The following TAOK2 variants were observed in gnomAD, a reference collection of about 807,000 sequenced individuals.
The protein encoded by TAOK2 is serine/threonine-protein kinase TAO2.
TAOK2 carries 42 observed loss-of-function variants against 122.5 expected under a neutral mutation model. The ratio of observed to expected loss-of-function variants is 0.34; its 90% CI spans 0.27 to 0.44. The LOEUF is 0.44. TAOK2 is among the 20% of genes least tolerant of loss of function. The probability of loss-of-function intolerance (pLI) is 1.00; values close to 1 mark genes in which losing one functional copy is unlikely to be tolerated. For missense variants in TAOK2, 1,264 were observed against 1,644.9 expected, an observed-to-expected ratio of 0.77 and a Z score of 4.01; for synonymous variants, 704 against 677.6, an observed-to-expected ratio of 1.04 and a Z score of -0.61.
chr16:29,988,057 C>A lies in TAOK2; in HGVS notation c.*77C>A, dbSNP rs2069871393. On this transcript the variant is annotated 3_prime_UTR_variant, in exon 16 of 16. Coordinates refer to ENST00000308893, the MANE Select transcript of TAOK2 (RefSeq NM_016151.4). Reference sequence around the variant, plus strand: ...CACGACTCAGTGAAGTTTCTCCAGTCCCTAGTCCTCTCTTTTCACCCACCT... The same window carrying A: ...CACGACTCAGTGAAGTTTCTCCAGTACCTAGTCCTCTCTTTTCACCCACCT... 3 of 1,458,592 alleles carry A rather than the reference C, an allele frequency of 2.1e-6. No homozygotes were observed. The highest frequency in any genetic ancestry group is 2.4e-5 in the East Asian group (1 of 41,834). The allele number at this position is 1,458,592 out of a possible 1,614,324, so 90.4% of individuals were successfully genotyped here. A position where few individuals can be genotyped will look rare whatever the true frequency, so the allele number is the denominator to read the frequency against.
Position 29,985,969 on chromosome 16 carries a change from TACAGTTC to T in TAOK2, c.1992+110_1992+116del. 1 of 1,360,912 alleles carries T rather than the reference TACAGTTC, an allele frequency of 7.3e-7. No individual in the cohort carries two copies. The highest frequency in any genetic ancestry group is 1.0e-6 in the Non-Finnish European group (1 of 992,390). The allele number at this position is 1,360,912 out of a possible 1,614,324, so 84.3% of individuals were successfully genotyped here. A position where few individuals can be genotyped will look rare whatever the true frequency, so the allele number is the denominator to read the frequency against. On this transcript the variant is annotated intron_variant, in intron 15 of 15. Coordinates refer to ENST00000308893, the MANE Select transcript of TAOK2 (RefSeq NM_016151.4). This position sits in a 1 kb window ranked among gnomAD's most constrained non-coding sequence, Gnocchi z 6.9. ...TTCTTTCTCCTTGGCCCTCGAGTGT[TACAGTTC>T]AGCTTTGCTTCAGTGCCCCTTTTAC...
intron 10 of TAOK2, 122 bp downstream of exon 10, chr16:29,982,062 C>A: frequency 2.6e-6 from 2 of 779,834 alleles, no homozygotes. Flanking sequence ...TGAATTCCCA[C>A]CCCATCCCCA....
downstream of TAOK2, chr16:29,989,927 C>G: frequency 1.2e-6 from 1 of 863,548 alleles, no homozygotes; most frequent in Non-Finnish European, 1.8e-6. Flanking sequence ...AACTCACATA[C>G]TCTCCCTCTG....
chr16:29,984,052 C>T (rs191417213), intron 13 of TAOK2, among the ~76,000 whole-genome samples: 41 of 152,214 alleles, frequency 2.7e-4, no homozygotes, highest in Admixed American at 1.1e-3. Flanking sequence ...TGCTGGGGAG[C>T]CCTGTGCCGG....
chr16:29,986,769 A>C lies in TAOK2; in HGVS notation c.2497A>C (p.Ser833Arg). The C allele has an allele frequency of 1.9e-6, 3 of 1,613,816 alleles. No homozygotes were observed. The highest frequency in any genetic ancestry group is 1.7e-6 in the Non-Finnish European group (2 of 1,179,908). Residue 833 changes from serine to arginine, a missense_variant, in exon 16 of 16, where the codon AGC becomes CGC. Around this residue, in one of 4 missense-constraint regions of TAOK2, gnomAD observed 824 missense variants for 908.7 expected, o/e 0.91. Transcript: ENST00000308893. The surrounding 1 kb of genome is among the most constrained non-coding windows in gnomAD (Gnocchi z 4.2). Reference protein sequence around the residue: ...APSPSPQKHGSLVDEEVWGLP... With the variant: ...APSPSPQKHGRLVDEEVWGLP... ...TAGTCCCAGTCCACAAAAACATGGG[A>C]GCCTGGTTGATGAGGAAGTTTGGGG...
chr16:29,990,487 C>T, downstream of TAOK2: 1 of 244,930 alleles, frequency 4.1e-6, no homozygotes, highest in Non-Finnish European at 7.8e-6. Flanking sequence ...TAGAATTTTC[C>T]ATGGTATGGC....
intron 13 of TAOK2, among the ~76,000 whole-genome samples, chr16:29,984,031 G>T (rs2069704458): frequency 6.6e-6 from 1 of 152,098 alleles, no homozygotes; most frequent in Admixed American, 6.5e-5. Context: ...CCCTGTGCTG[G>T]GGGTGTCCAG....
Position 29,982,882 on chromosome 16 carries a change from A to T in TAOK2, c.980A>T (p.Glu327Val). The change falls in exon 11 of 16, where the codon GAG becomes GTG. Residue 327 changes from glutamate (E) to valine (V), a missense_variant. By Grantham distance (121) the Glu-to-Val change is moderately radical (BLOSUM62 -2). Coordinates refer to ENST00000308893, the MANE Select transcript of TAOK2 (RefSeq NM_016151.4). ...FQEAPNGPGAEAPEEEEEAEP... is the reference protein window; with the variant it reads ...FQEAPNGPGAVAPEEEEEAEP... ...GAGGCACCCAACGGCCCTGGTGCCG[A>T]GGCCCCAGAGGAGGAAGAGGTGACC... 6.2e-7 allele frequency: 1 copy of T among 1,613,946 alleles called. No homozygotes were observed.
downstream of TAOK2, chr16:29,990,189 A>C (rs1279290300): frequency 4.4e-6 from 1 of 225,930 alleles, no homozygotes; most frequent in Admixed American, 5.1e-5. Context: ...TTCTAAAAAA[A>C]TGATCACACC....
rs1362248747 is a variant in TAOK2, at chr16:29,987,081, C to G, written c.2809C>G (p.Pro937Ala). Reference protein sequence around the residue: ...PPEPPPTHLRPCPASQLPGLL... With the variant: ...PPEPPPTHLRACPASQLPGLL... Reference sequence around the variant, plus strand: ...TGAACCCCCTCCAACACACCTGAGGCCCTGCCCTGCCAGCCAGCTCCCTGG... The same window carrying G: ...TGAACCCCCTCCAACACACCTGAGGGCCTGCCCTGCCAGCCAGCTCCCTGG... The change falls in exon 16 of 16, where the codon CCC (proline) becomes GCC (alanine). Residue 937 changes from proline (P) to alanine (A), a missense_variant. By Grantham distance (27) the Pro-to-Ala change is conservative. Coordinates refer to ENST00000308893, the MANE Select transcript of TAOK2 (RefSeq NM_016151.4). 6.2e-7 allele frequency: 1 copy of G among 1,613,268 alleles called. No individual in the cohort carries two copies. The highest frequency in any genetic ancestry group is 1.1e-5 in the South Asian group (1 of 91,026).
chr16:29,977,197 T>G (rs982312427), intron 1 of TAOK2, among the ~76,000 whole-genome samples: 1 of 152,108 alleles, frequency 6.6e-6, no homozygotes, highest in Non-Finnish European at 1.5e-5. Flanking sequence ...TGAGAGTGAC[T>G]TTGCGGGCTC....
At position 29,986,184 on chromosome 16, in the gene TAOK2, A is replaced by G; in HGVS notation, c.1993-81A>G. The G allele has an allele frequency of 6.7e-7, 1 of 1,492,876 alleles. No individual in the cohort carries two copies. Among genetic ancestry groups the G allele is most frequent in the Non-Finnish European group, 8.9e-7 (1 of 1,121,076 alleles). The allele number at this position is 1,492,876 out of a possible 1,614,324, so 92.5% of individuals were successfully genotyped here. On this transcript the variant is annotated intron_variant, in intron 15 of 15. Transcript: ENST00000308893. This position sits in a 1 kb window ranked among gnomAD's most constrained non-coding sequence, Gnocchi z 4.2. ...GCCCTGTGTTTCTTCCGCCATCCCC[A>G]GCTCCCTCTGCCAAGGAGCCCTGGC...
chr16:29,989,846 G>C (rs377460932), downstream of TAOK2: 471 of 1,596,910 alleles, frequency 2.9e-4, no homozygotes, highest in Non-Finnish European at 3.9e-4. Context: ...CTAGAGGCCA[G>C]GCTCTGTACT....
At chr16:29,982,257 G>T (rs866071680) in intron 10 of TAOK2, among the ~76,000 whole-genome samples, 3 of 152,232 alleles carry the variant, frequency 2.0e-5, no homozygotes, top group African/African-American at 7.2e-5. Context: ...CCAAAAGCCT[G>T]TGTAGCCTTA....
rs1013415121 is a variant in TAOK2 at position 29,987,600 on chromosome 16, G to A, written c.3328G>A (p.Gly1110Ser). ...GGGCTGTGGGGCTGTGGGGGACCGG[G>A]GTCTGTTTGCACTGTACCCCAAAAC... ...LQGCGAVGDR[G>S]LFALYPKTNK... Residue 1110 changes from glycine (G) to serine (S), a missense_variant, in exon 16 of 16, where the codon GGT (glycine) becomes AGT (serine). Physicochemically the swap from Gly to Ser is moderately conservative, Grantham distance 56. Around this residue, in one of 4 missense-constraint regions of TAOK2, gnomAD observed 824 missense variants for 908.7 expected, o/e 0.91. Transcript: ENST00000308893. 6.2e-7 allele frequency: 1 copy of A among 1,612,616 alleles called. No homozygotes were observed. Among genetic ancestry groups the A allele is most frequent in the Non-Finnish European group, 8.5e-7 (1 of 1,179,054 alleles).
rs976557858 is a variant in TAOK2, at chr16:29,979,625, G to A, written c.655+117G>A. 2.3e-4 allele frequency: 187 copies of A among 823,652 alleles called. 1 individual carries two copies. The highest frequency in any genetic ancestry group is 8.4e-4 in the African/African-American group (48 of 57,400). The allele number at this position is 823,652 out of a possible 1,614,324, so 51.0% of individuals were successfully genotyped here. A position where few individuals can be genotyped will look rare whatever the true frequency, so the allele number is the denominator to read the frequency against. ...ATCCCAGGCCTCCAAGTTCCTGTCC[G>A]TTGTGACTCTACCCTGGAGCCCAAT... On this transcript the variant is annotated intron_variant, in intron 8 of 15. Transcript: ENST00000308893. The surrounding 1 kb of genome is among the most constrained non-coding windows in gnomAD (Gnocchi z 4.1).
rs552719987 is a variant in TAOK2 at position 29,983,442 on chromosome 16, G to T, written c.1261-61G>T. 226 of 1,569,146 alleles carry T rather than the reference G, an allele frequency of 1.4e-4. No individual in the cohort carries two copies. The African/African-American group carries it at 2.9e-3, about 20-fold the overall frequency. The stretch of plus-strand genomic sequence containing the variant: ...CTCTGAGTCTGATTGGCTGTCCTCA[G>T]GTAGCTCTCTTTGGACCCAGTGGCC... On this transcript the variant is annotated intron_variant, in intron 12 of 15. Coordinates refer to ENST00000308893, the MANE Select transcript of TAOK2 (RefSeq NM_016151.4).
At chr16:29,989,555 C>T (rs754294862), downstream of TAOK2, 31 of 1,610,610 alleles carry the variant, frequency 1.9e-5, no homozygotes, top group Non-Finnish European at 2.5e-5. Flanking sequence ...TCCTCTTCCC[C>T]GCTGCCCCCA....
In TAOK2 at chr16:29,983,212, G is replaced by C; in HGVS notation, c.1140G>C (p.Glu380Asp). Residue 380 changes from glutamate to aspartate, a missense_variant, in exon 12 of 16, where the codon GAG (glutamate) becomes GAC (aspartate). Physicochemically the swap from Glu to Asp is conservative, Grantham distance 45 (BLOSUM62 2). Around this residue, in one of 4 missense-constraint regions of TAOK2, gnomAD observed 254 missense variants for 503.8 expected, o/e 0.50. Transcript: ENST00000308893. The part of the protein sequence containing the change: ...SLADASDNEE[E>D]EEEEEEEEEE... ...CAGATGCCTCAGACAACGAGGAAGAGGAGGAGGAGGAGGAGGAAGAGGAGG... is the reference window on the plus strand; with the variant it reads ...CAGATGCCTCAGACAACGAGGAAGACGAGGAGGAGGAGGAGGAAGAGGAGG... 1.3e-6 allele frequency: 2 copies of C among 1,577,106 alleles called. No individual in the cohort carries two copies. Among genetic ancestry groups the C allele is most frequent in the Non-Finnish European group, 1.7e-6 (2 of 1,157,378 alleles).
Sources: gnomAD v4.1 joint callset for allele counts (sites outside exome capture counted in the v4.1 genomes callset) on GRCh38, gnomAD v4.1.1 for gene constraint, gnomAD v4.1.1 regional missense constraint, Gnocchi (gnomAD v3.1) non-coding constraint, MANE v1.5 for transcripts, NCBI Gene and HGNC (gene_info 2026-07-23, HGNC 2026-07-21) for gene names.